The following FER variants were observed in gnomAD, a reference collection of about 807,000 sequenced individuals.
FER encodes the protein FER tyrosine kinase, also known as tyrosine-protein kinase Fer.
In FER, 63 loss-of-function variants were observed where a neutral mutation model predicts 111.0. That is an observed-to-expected ratio of 0.57 (90% CI 0.46 to 0.70). The LOEUF (loss-of-function observed/expected upper bound fraction) is 0.70. FER is among the 30% of genes least tolerant of loss of function. The pLI is 0.00. For missense variants in FER, 914 were observed against 954.0 expected (o/e 0.96, Z 0.55); for synonymous variants, 327 against 313.9 (o/e 1.04, Z -0.44).
intron 1 of FER, among the ~76,000 whole-genome samples, chr5:108,754,543 T>C (rs1023697906): frequency 5.3e-5 from 8 of 152,098 alleles, no homozygotes; most frequent in Admixed American, 5.2e-4. Context: ...GTTTTTCTTA[T>C]CATTCTTATA....
chr5:109,192,369 T>TA lies in FER; in HGVS notation c.*4800dup, dbSNP rs998973256. ...AGGCCAGATCCTGTCCTATGGAAAA[T>TA]AAAAAAGATCAGCAGAACTAAAGCA... On this transcript the variant is annotated 3_prime_UTR_variant, in exon 20 of 20. Coordinates refer to ENST00000281092, the MANE Select transcript of FER (RefSeq NM_005246.4). The TA allele has an allele frequency of 6.6e-6, 1 of 151,868 alleles. No homozygotes were observed. Among genetic ancestry groups the TA allele is most frequent in the African/African-American group, 2.4e-5 (1 of 41,334 alleles). The allele number at this position is 151,868 out of a possible 1,614,324, so 9.4% of individuals were successfully genotyped here.
At chr5:108,987,309 G>T (rs1007811367) in intron 13 of FER, among the ~76,000 whole-genome samples, 3 of 152,016 alleles carry the variant, frequency 2.0e-5, no homozygotes, top group Non-Finnish European at 4.4e-5. Context: ...AGCCGGGCAT[G>T]GTGGTGGGCA....
At chr5:108,926,450 T>C (rs1753755011) in intron 10 of FER, among the ~76,000 whole-genome samples, 1 of 152,146 alleles carries the variant, frequency 6.6e-6, no homozygotes, top group South Asian at 2.1e-4. Flanking sequence ...AGAATAAGAA[T>C]TTTTGCTTTG....
intron 8 of FER, among the ~76,000 whole-genome samples, chr5:108,876,174 A>G (rs975791756): frequency 6.6e-6 from 1 of 152,230 alleles, no homozygotes; most frequent in Admixed American, 6.5e-5. Context: ...TATGCAGCCC[A>G]CGAGGCTAAG....
chr5:109,136,364 G>T (rs1321877731), intron 17 of FER, among the ~76,000 whole-genome samples: 2 of 151,996 alleles, frequency 1.3e-5, no homozygotes, highest in African/African-American at 2.4e-5. Flanking sequence ...AAGCATAAGA[G>T]AATTTTTAAA....
At chr5:109,016,602 T>G (rs1314901747) in intron 13 of FER, among the ~76,000 whole-genome samples, 3 of 152,070 alleles carry the variant, frequency 2.0e-5, no homozygotes, top group Non-Finnish European at 4.4e-5. Context: ...ACCACAGATG[T>G]AAATCAAATG....
chr5:109,170,382 A>C (rs528136206), intron 17 of FER, among the ~76,000 whole-genome samples: 2 of 152,312 alleles, frequency 1.3e-5, no homozygotes, highest in South Asian at 4.1e-4. Context: ...ATCAAGATAA[A>C]ATGAATAGTA....
intron 17 of FER, among the ~76,000 whole-genome samples, chr5:109,119,731 C>T (rs1750726099): frequency 6.6e-6 from 1 of 151,966 alleles, no homozygotes. Context: ...ATTTACATTC[C>T]TACAGATAGT....
At chr5:108,758,960 C>G (rs115683836) in intron 1 of FER, among the ~76,000 whole-genome samples, 1 of 151,952 alleles carries the variant, frequency 6.6e-6, no homozygotes, top group Admixed American at 6.6e-5. Context: ...TTATAACTTT[C>G]GATGCATTTA....
intron 13 of FER, among the ~76,000 whole-genome samples, chr5:109,005,553 A>G (rs980281181): frequency 1.3e-5 from 2 of 152,250 alleles, no homozygotes; most frequent in African/African-American, 2.4e-5. Context: ...ACATACAAAC[A>G]TATGCACATA....
At chr5:109,054,297 A>G (rs1773339164) in intron 16 of FER, among the ~76,000 whole-genome samples, 1 of 152,214 alleles carries the variant, frequency 6.6e-6, no homozygotes, top group South Asian at 2.1e-4. Context: ...GTCAGCACTT[A>G]CTTGGCCTGG....
At chr5:108,800,094 C>T (rs988402167) in intron 3 of FER, among the ~76,000 whole-genome samples, 6 of 152,034 alleles carry the variant, frequency 3.9e-5, no homozygotes, top group East Asian at 3.9e-4. Flanking sequence ...CTACCTGCCT[C>T]GGTCTCCTGA....
chr5:109,006,277 C>A (rs951468815), intron 13 of FER, among the ~76,000 whole-genome samples: 1 of 152,160 alleles, frequency 6.6e-6, no homozygotes, highest in African/African-American at 2.4e-5. Context: ...TGCCATAATT[C>A]CCACCTGTTG....
intron 5 of FER, among the ~76,000 whole-genome samples, chr5:108,848,794 C>G (rs1423840369): frequency 6.6e-6 from 1 of 151,834 alleles, no homozygotes; most frequent in Admixed American, 6.6e-5. Flanking sequence ...GTCTCTATTT[C>G]TATTTGGTAT....
At chr5:109,098,518 A>C (rs1747814881) in intron 16 of FER, among the ~76,000 whole-genome samples, 1 of 151,728 alleles carries the variant, frequency 6.6e-6, no homozygotes. Flanking sequence ...TTTCAAAAGC[A>C]GAAGGGTACA....
At chr5:108,900,790 T>C (rs1011553420) in intron 10 of FER, among the ~76,000 whole-genome samples, 1 of 152,200 alleles carries the variant, frequency 6.6e-6, no homozygotes, top group Non-Finnish European at 1.5e-5. Context: ...TGATCAAATG[T>C]GTAATCAGGG....
intron 8 of FER, among the ~76,000 whole-genome samples, chr5:108,873,771 A>G (rs964193635): frequency 2.0e-5 from 3 of 152,186 alleles, no homozygotes; most frequent in African/African-American, 7.2e-5. Flanking sequence ...ATTTGACAGT[A>G]TCTGAAGACA....
chr5:108,929,621 T>C (rs1344305446), intron 10 of FER, among the ~76,000 whole-genome samples: 1 of 152,004 alleles, frequency 6.6e-6, no homozygotes, highest in Non-Finnish European at 1.5e-5. Flanking sequence ...TTAAAGGAAG[T>C]CATTAAAAAT....
intron 15 of FER, among the ~76,000 whole-genome samples, chr5:109,046,240 G>C (rs557082687): frequency 1.1e-4 from 17 of 152,098 alleles, no homozygotes; most frequent in Admixed American, 4.6e-4. Context: ...GATCAAGAAA[G>C]TATTTAACTA....
Sources: gnomAD v4.1 joint callset for allele counts (sites outside exome capture counted in the v4.1 genomes callset) on GRCh38, gnomAD v4.1.1 for gene constraint, MANE v1.5 for transcripts, NCBI Gene and HGNC (gene_info 2026-07-23, HGNC 2026-07-21) for gene names.